SYNCRIP: variants seen among roughly 807,000 people sequenced by gnomAD.
SYNCRIP encodes heterogeneous nuclear ribonucleoprotein Q.
Under a neutral mutation model 68.9 loss-of-function variants are expected in SYNCRIP, and 9 were observed. The ratio of observed to expected loss-of-function variants is 0.13; its 90% CI spans 0.08 to 0.23. The LOEUF (loss-of-function observed/expected upper bound fraction) is 0.23, where lower values mean the gene tolerates loss of function less well. SYNCRIP is among the 10% of genes least tolerant of loss of function. The pLI is 1.00. For synonymous variants in SYNCRIP, 258 were observed against 254.0 expected, an observed-to-expected ratio of 1.02 and a Z score of -0.15; for missense variants, 414 against 770.6, an observed-to-expected ratio of 0.54 and a Z score of 5.48.
In SYNCRIP at chr6:85,640,441, A is replaced by G. The variant is rs376268132; in HGVS notation, c.267+5T>C. 21 of 1,597,174 alleles carry G rather than the reference A, an allele frequency of 1.3e-5. No individual in the cohort carries two copies. Among genetic ancestry groups the G allele is most frequent in the Non-Finnish European group, 1.8e-5 (21 of 1,171,202 alleles). ...TTTTAATTTTCACATTGACATTAAC[A>G]TTACCTGAACATGAGAGAGATCACT... On this transcript the variant is annotated splice_donor_5th_base_variant and intron_variant, in intron 3 of 10. Coordinates refer to ENST00000369622, the MANE Select transcript of SYNCRIP (RefSeq NM_006372.5).
intron 6 of SYNCRIP, among the ~76,000 whole-genome samples, chr6:85,626,990 G>A (rs1807113034): frequency 6.6e-6 from 1 of 152,106 alleles, no homozygotes; most frequent in Non-Finnish European, 1.5e-5. Flanking sequence ...CTTGGGCCAG[G>A]CGCGGTGGCT....
At chr6:85,608,941 G>A (rs558116627) in exon 12 of SYNCRIP, 1 of 152,068 alleles carries the variant, frequency 6.6e-6, no homozygotes, top group Non-Finnish European at 1.5e-5. Context: ...ATGCCTGTGA[G>A]CACTGCTTCA....
chr6:85,636,946 G>A (rs373041875), intron 6 of SYNCRIP, 21 bp downstream of exon 6: 21 of 1,565,666 alleles, frequency 1.3e-5, no homozygotes, highest in Middle Eastern at 3.4e-4. Context: ...GAAAACTGAA[G>A]GGGAAAAAAG....
chr6:85,624,242 T>A, intron 6 of SYNCRIP, 130 bp from the exon 7 acceptor site: 5 of 831,920 alleles, frequency 6.0e-6, no homozygotes, highest in Middle Eastern at 3.6e-4. Context: ...AAGGGAATTA[T>A]GAGGAACAGA....
chr6:85,621,306 AG>A (rs1438703529), intron 8 of SYNCRIP, among the ~76,000 whole-genome samples: 2 of 152,206 alleles, frequency 1.3e-5, no homozygotes, highest in East Asian at 3.9e-4. Flanking sequence ...AGTAACAAAG[AG>A]GGAATTCTTA....
intron 7 of SYNCRIP, among the ~76,000 whole-genome samples, chr6:85,623,425 G>A (rs190574996): frequency 8.2e-4 from 125 of 151,750 alleles, no homozygotes; most frequent in African/African-American, 2.9e-3. Flanking sequence ...TTAGCCAGGT[G>A]TGGTGGTGCG....
At chr6:85,613,141 G>GC (rs988783567), downstream of SYNCRIP, among the ~76,000 whole-genome samples, 5 of 151,550 alleles carry the variant, frequency 3.3e-5, no homozygotes, top group African/African-American at 1.2e-4. Context: ...GAGTGAGGAG[G>GC]CTGGACTGAG....
At chr6:85,623,301 T>A in intron 7 of SYNCRIP, among the ~76,000 whole-genome samples, 2 of 152,118 alleles carry the variant, frequency 1.3e-5, no homozygotes, top group South Asian at 4.2e-4. Flanking sequence ...CGGTGGCTCA[T>A]ACCTGTAATC....
intron 6 of SYNCRIP, among the ~76,000 whole-genome samples, chr6:85,629,972 G>C (rs1223058965): frequency 6.8e-6 from 1 of 146,668 alleles, no homozygotes; most frequent in East Asian, 2.0e-4. Flanking sequence ...TGAGAGTGAG[G>C]ATTTGTCTCA....
At chr6:85,635,337 A>C (rs1007078512) in intron 6 of SYNCRIP, among the ~76,000 whole-genome samples, 14 of 152,222 alleles carry the variant, frequency 9.2e-5, no homozygotes, top group Non-Finnish European at 1.6e-4. Context: ...GAGAAAAATC[A>C]GACATGATTT....
chr6:85,619,091 CAATT>C, intron 9 of SYNCRIP, 152 bp from the exon 10 acceptor site: 1 of 1,181,352 alleles, frequency 8.5e-7, no homozygotes, highest in Non-Finnish European at 1.2e-6. Context: ...TGCAGATATT[CAATT>C]ATTTTTCATT....
At chr6:85,618,769 TATAA>T in intron 10 of SYNCRIP, 45 bp downstream of exon 10, 1 of 1,463,684 alleles carries the variant, frequency 6.8e-7, no homozygotes, top group Non-Finnish European at 9.3e-7. Flanking sequence ...CCAATTAGTG[TATAA>T]ATATTAAAAT....
intron 6 of SYNCRIP, among the ~76,000 whole-genome samples, chr6:85,630,382 A>C (rs986626836): frequency 5.3e-5 from 8 of 152,182 alleles, no homozygotes; most frequent in South Asian, 4.2e-4. Context: ...AACAAACAAA[A>C]AAAATCGTAA....
At chr6:85,631,485 G>A (rs1807783708) in intron 6 of SYNCRIP, among the ~76,000 whole-genome samples, 1 of 152,194 alleles carries the variant, frequency 6.6e-6, no homozygotes, top group Admixed American at 6.5e-5. Flanking sequence ...GGAATGCTGT[G>A]ATCTAATTGA....
At chr6:85,636,012 C>A (rs1583307831) in intron 6 of SYNCRIP, among the ~76,000 whole-genome samples, 1 of 152,078 alleles carries the variant, frequency 6.6e-6, no homozygotes, top group African/African-American at 2.4e-5. Context: ...AAAGTTCTCC[C>A]CAGTCGTGTT....
Position 85,642,865 on chromosome 6 carries a change from GCTCC to G in SYNCRIP, c.-85_-82del, listed in dbSNP as rs1809378558. 2 of 152,688 alleles carry G rather than the reference GCTCC, an allele frequency of 1.3e-5. No homozygotes were observed. Among genetic ancestry groups the G allele is most frequent in the South Asian group, 2.1e-4 (1 of 4,850 alleles). The allele number at this position is 152,688 out of a possible 1,614,324, so 9.5% of individuals were successfully genotyped here. A position where few individuals can be genotyped will look rare whatever the true frequency, so the allele number is the denominator to read the frequency against. On this transcript the variant is annotated 5_prime_UTR_variant, in exon 1 of 11. Transcript: ENST00000369622. ...GGGTTGCGGGAAACGCGTGCTCGCT[GCTCC>G]CTGTGTCCGGCGCGAGTGGAGCTGT... is the stretch of plus-strand genomic sequence containing the variant.
chr6:85,631,327 T>A, intron 6 of SYNCRIP, among the ~76,000 whole-genome samples: 1 of 108,726 alleles, frequency 9.2e-6, no homozygotes, highest in Non-Finnish European at 1.7e-5. Context: ...TGACAAAGCA[T>A]GACTGTGTCT....
At chr6:85,639,966 T>C (rs769091038) in intron 4 of SYNCRIP, among the ~76,000 whole-genome samples, 2 of 152,198 alleles carry the variant, frequency 1.3e-5, no homozygotes, top group Non-Finnish European at 2.9e-5. Context: ...TCTAGAGGTA[T>C]CATGGGTGTG....
chr6:85,639,456 C>G (rs913624631), intron 4 of SYNCRIP, among the ~76,000 whole-genome samples: 3 of 152,160 alleles, frequency 2.0e-5, no homozygotes, highest in Non-Finnish European at 2.9e-5. Context: ...TCTTAAACAG[C>G]TAACTCCATA....
Sources: allele counts gnomAD v4.1 joint callset (sites outside exome capture counted in the v4.1 genomes callset), GRCh38; gene constraint gnomAD v4.1.1; transcripts MANE v1.5; gene names NCBI Gene and HGNC (gene_info 2026-07-23, HGNC 2026-07-21).